SPOPL: variants seen among roughly 807,000 people sequenced by gnomAD.
The protein encoded by SPOPL is speckle-type POZ protein-like.
SPOPL carries 23 observed loss-of-function variants against 53.8 expected under a neutral mutation model. The ratio of observed to expected loss-of-function variants is 0.43; its 90% CI spans 0.31 to 0.61. The LOEUF (loss-of-function observed/expected upper bound fraction) is 0.61, where lower values mean the gene tolerates loss of function less well. SPOPL is among the 20% of genes least tolerant of loss of function. The probability of loss-of-function intolerance (pLI) is 0.12; values close to 1 mark genes in which losing one functional copy is unlikely to be tolerated. For missense variants in SPOPL, 442 were observed against 466.9 expected, an observed-to-expected ratio of 0.95 and a Z score of 0.49; for synonymous variants, 164 against 149.7, an observed-to-expected ratio of 1.10 and a Z score of -0.70.
At chr2:138,523,735 A>C (rs561889569) in intron 1 of SPOPL, among the ~76,000 whole-genome samples, 1 of 152,264 alleles carries the variant, frequency 6.6e-6, no homozygotes, top group East Asian at 1.9e-4. Flanking sequence ...AAAGCTTCAA[A>C]ATGATCTCCT....
Position 138,550,551 on chromosome 2 carries a change from T to C in SPOPL, c.147T>C (p.Gly49=). 6.2e-7 allele frequency: 1 copy of C among 1,611,340 alleles called. No homozygotes were observed. Among genetic ancestry groups the C allele is most frequent in the Non-Finnish European group, 8.5e-7 (1 of 1,178,004 alleles). ...TCAGTTTTTGTCGAGAGGAAATGGGTGAAGTGTTAAAAAGTTCAACATTTT... is the reference window on the plus strand; with the variant it reads ...TCAGTTTTTGTCGAGAGGAAATGGGCGAAGTGTTAAAAAGTTCAACATTTT... The part of the protein sequence containing the change: ...NNFSFCREEM[G]EVLKSSTFSS... The change falls in exon 3 of 11, where the codon GGT becomes GGC. Residue 49 remains glycine (G), a synonymous_variant. Transcript: ENST00000280098.
intron 4 of SPOPL, among the ~76,000 whole-genome samples, 186 bp downstream of exon 4, chr2:138,551,240 G>A (rs115220377): frequency 1.3e-5 from 2 of 151,940 alleles, no homozygotes; most frequent in African/African-American, 2.4e-5. Context: ...CTTAGACTTC[G>A]TAAAACATGT....
intron 1 of SPOPL, among the ~76,000 whole-genome samples, chr2:138,508,805 T>C (rs1684267384): frequency 6.6e-6 from 1 of 152,222 alleles, no homozygotes; most frequent in Admixed American, 6.5e-5. Context: ...CATACTGGCT[T>C]TAAAATCTTT....
chr2:138,552,027 C>G (rs1016586913), intron 4 of SPOPL, among the ~76,000 whole-genome samples: 1 of 151,850 alleles, frequency 6.6e-6, no homozygotes, highest in Non-Finnish European at 1.5e-5. Context: ...AAAGGACTTT[C>G]TTTATCTTTT....
chr2:138,512,224 G>A (rs1684339340), intron 1 of SPOPL, among the ~76,000 whole-genome samples: 1 of 151,956 alleles, frequency 6.6e-6, no homozygotes, highest in Non-Finnish European at 1.5e-5. Context: ...ATGTAAGATT[G>A]CAGTCTTGAC....
intron 1 of SPOPL, among the ~76,000 whole-genome samples, chr2:138,529,330 G>A (rs570835952): frequency 8.5e-5 from 13 of 152,156 alleles, no homozygotes; most frequent in East Asian, 3.9e-4. Flanking sequence ...TACCCATCTC[G>A]TATCATTTTT....
intron 1 of SPOPL, 66 bp downstream of exon 1, chr2:138,502,185 C>T (rs1573859369): frequency 1.3e-5 from 2 of 152,784 alleles, no homozygotes; most frequent in Admixed American, 1.3e-4. Context: ...CCTCCCCCGG[C>T]TCTCCGTAGA....
intron 1 of SPOPL, 141 bp from the exon 2 acceptor site, chr2:138,550,016 A>G: frequency 2.0e-6 from 1 of 495,886 alleles, no homozygotes; most frequent in South Asian, 4.0e-5. Context: ...TAAAATCATT[A>G]AATTTATCTA....
chr2:138,513,769 G>C (rs1476053485), intron 1 of SPOPL, among the ~76,000 whole-genome samples: 2 of 148,604 alleles, frequency 1.3e-5, no homozygotes, highest in African/African-American at 4.9e-5. Context: ...ATTGGCTTTT[G>C]CATTCTGTTA....
At chr2:138,531,415 G>C (rs1254292747) in intron 1 of SPOPL, among the ~76,000 whole-genome samples, 2 of 151,956 alleles carry the variant, frequency 1.3e-5, no homozygotes, top group Non-Finnish European at 2.9e-5. Flanking sequence ...TTACATTACT[G>C]TTGGCATGCA....
intron 1 of SPOPL, among the ~76,000 whole-genome samples, chr2:138,508,373 C>T (rs960894073): frequency 1.3e-5 from 2 of 152,042 alleles, no homozygotes; most frequent in South Asian, 2.1e-4. Flanking sequence ...TGCCCTTTTG[C>T]CCAGGCTGGA....
Position 138,573,498 on chromosome 2 carries a change from CCT to C in SPOPL, c.*4419_*4420del, listed in dbSNP as rs1341662847. 1 of 152,162 alleles carries C rather than the reference CCT, an allele frequency of 6.6e-6. No individual in the cohort carries two copies. Among genetic ancestry groups the C allele is most frequent in the Non-Finnish European group, 1.5e-5 (1 of 68,026 alleles). The allele number at this position is 152,162 out of a possible 1,614,324, so 9.4% of individuals were successfully genotyped here. On this transcript the variant is annotated 3_prime_UTR_variant, in exon 11 of 11. Transcript: ENST00000280098. ...CGTACCATTAATGTAACAGAGATCA[CCT>C]TTTCCCTGTCATTCCTATCCTGTCT...
chr2:138,562,292 T>G (rs761542310), intron 8 of SPOPL, among the ~76,000 whole-genome samples: 1 of 152,084 alleles, frequency 6.6e-6, no homozygotes, highest in Admixed American at 6.6e-5. Context: ...CTTTAGAAAT[T>G]AAGACAGTGT....
intron 3 of SPOPL, 76 bp from the exon 4 acceptor site, chr2:138,550,827 T>TTCTCTCTCTCTCTCTCTCTCTC: frequency 7.3e-7 from 1 of 1,367,404 alleles, no homozygotes. Context: ...CTCTCTCTCT[T>TTCTCTCTCTCTCTCTCTCTCTC]TCTCTCTCTC....
chr2:138,543,566 G>T (rs1448462725), intron 1 of SPOPL, among the ~76,000 whole-genome samples: 1 of 152,164 alleles, frequency 6.6e-6, no homozygotes, highest in Non-Finnish European at 1.5e-5. Flanking sequence ...GAGTTCTCGT[G>T]TCTTGGTTTT....
intron 5 of SPOPL, among the ~76,000 whole-genome samples, chr2:138,553,658 A>C (rs1558877402): frequency 6.6e-6 from 1 of 152,108 alleles, no homozygotes; most frequent in Admixed American, 6.5e-5. Flanking sequence ...ATGTCAGAAG[A>C]ATAATTGAAA....
At chr2:138,520,902 A>G (rs1288425713) in intron 1 of SPOPL, among the ~76,000 whole-genome samples, 1 of 152,182 alleles carries the variant, frequency 6.6e-6, no homozygotes, top group Non-Finnish European at 1.5e-5. Flanking sequence ...CTAATACTGT[A>G]TAAGACTATT....
intron 1 of SPOPL, among the ~76,000 whole-genome samples, chr2:138,528,937 GATAA>G (rs1420127132): frequency 2.0e-5 from 3 of 152,082 alleles, no homozygotes; most frequent in African/African-American, 7.2e-5. Context: ...GAATCAATTA[GATAA>G]ATACTTAAGC....
chr2:138,532,136 G>A (rs1016754130), intron 1 of SPOPL, among the ~76,000 whole-genome samples: 6 of 152,128 alleles, frequency 3.9e-5, no homozygotes, highest in South Asian at 4.1e-4. Context: ...AGTATAAGAC[G>A]TCTGAAAACT....
Sources: allele counts gnomAD v4.1 joint callset (sites outside exome capture counted in the v4.1 genomes callset), GRCh38; gene constraint gnomAD v4.1.1; transcripts MANE v1.5; gene names NCBI Gene and HGNC (gene_info 2026-07-23, HGNC 2026-07-21).